Variants in MEF2A observed in about 807,000 individuals in gnomAD.
The protein encoded by MEF2A is myocyte-specific enhancer factor 2A.
A neutral mutation model predicts 55.8 loss-of-function variants in MEF2A; 28 were observed. That is an observed-to-expected ratio of 0.50 (90% CI 0.37 to 0.69). The LOEUF is 0.69. MEF2A is among the 30% of genes least tolerant of loss of function. MEF2A has a pLI of 0.00. For missense variants in MEF2A, 528 were observed against 626.2 expected (o/e 0.84, Z 1.67); for synonymous variants, 239 against 227.1 (o/e 1.05, Z -0.47).
intron 8 of MEF2A, among the ~76,000 whole-genome samples, chr15:99,700,971 AGAAT>A (rs2057328277): frequency 3.9e-5 from 6 of 152,244 alleles, no homozygotes; most frequent in Non-Finnish European, 7.3e-5. Context: ...AAATGTAGAA[AGAAT>A]GAGAGAGAGT....
chr15:99,656,114 T>C (rs889504963), intron 4 of MEF2A, among the ~76,000 whole-genome samples: 1 of 152,104 alleles, frequency 6.6e-6, no homozygotes, highest in African/African-American at 2.4e-5. Context: ...TGATACTCAG[T>C]TAAAACTTCA....
intron 1 of MEF2A, among the ~76,000 whole-genome samples, chr15:99,586,710 T>G (rs2152921044): frequency 6.6e-6 from 1 of 152,302 alleles, no homozygotes; most frequent in Admixed American, 6.5e-5. Context: ...TTTTTTGGTG[T>G]CCTGTCTGAT....
chr15:99,615,435 T>C (rs144478316), intron 2 of MEF2A, among the ~76,000 whole-genome samples: 174 of 152,336 alleles, frequency 1.1e-3, no homozygotes, highest in African/African-American at 3.5e-3. Context: ...TTACAGTTTT[T>C]AATATTAAGT....
chr15:99,657,923 T>G (rs1243874407), intron 4 of MEF2A, among the ~76,000 whole-genome samples: 3 of 152,124 alleles, frequency 2.0e-5, no homozygotes, highest in African/African-American at 7.2e-5. Context: ...ATACCAGACA[T>G]TCAAGAAAAC....
chr15:99,702,405 T>C (rs912200247), intron 8 of MEF2A, among the ~76,000 whole-genome samples: 2 of 150,854 alleles, frequency 1.3e-5, no homozygotes, highest in African/African-American at 2.4e-5. Flanking sequence ...CTAAATGTTA[T>C]GGAGAAAAGG....
Position 99,574,359 on chromosome 15 carries a change from GGT to G in MEF2A, c.-225+8256_-225+8257del, listed in dbSNP as rs1320104236. The stretch of plus-strand genomic sequence containing the variant: ...TCCATGAATGGTGGGGGGAGGGGAT[GGT>G]TTCAAAATGATTCAAGCACATTACA... On this transcript the variant is annotated intron_variant, in intron 1 of 11. Transcript: ENST00000557942. Among the ~76,000 whole-genome samples, 3 of 152,100 alleles carry G rather than the reference GGT, an allele frequency of 2.0e-5. No homozygotes were observed. In the East Asian group the frequency reaches 5.8e-4, roughly 29 times the overall value.
chr15:99,581,550 A>G (rs1196153690), intron 1 of MEF2A, among the ~76,000 whole-genome samples: 2 of 152,030 alleles, frequency 1.3e-5, no homozygotes, highest in African/African-American at 4.8e-5. Context: ...CAACTGGTGA[A>G]TATGGATCAT....
At chr15:99,675,956 C>G (rs1165032027) in intron 7 of MEF2A, among the ~76,000 whole-genome samples, 1 of 151,814 alleles carries the variant, frequency 6.6e-6, no homozygotes, top group African/African-American at 2.4e-5. Context: ...AGGAGAATTG[C>G]TTGAATCCGG....
At chr15:99,611,151 A>G (rs781342910) in intron 2 of MEF2A, among the ~76,000 whole-genome samples, 9 of 152,196 alleles carry the variant, frequency 5.9e-5, no homozygotes, top group Non-Finnish European at 1.3e-4. Flanking sequence ...CTGAGACAGG[A>G]GCATCACTTG....
In MEF2A at chr15:99,712,311, G is replaced by T. The variant is rs140600287; in HGVS notation, c.1137-79G>T. 1,369 of 1,446,016 alleles carry T rather than the reference G, an allele frequency of 9.5e-4. 19 individuals are homozygous for T. The East Asian group carries it at 0.031, about 32-fold the overall frequency. 89.6% of individuals were successfully genotyped at this position (1,446,016 alleles called of 1,614,324 possible). A position where few individuals can be genotyped will look rare whatever the true frequency, so the allele number is the denominator to read the frequency against. On this transcript the variant is annotated intron_variant, in intron 11 of 11. Coordinates refer to ENST00000557942, the MANE Select transcript of MEF2A (RefSeq NM_001319206.4). This position sits in a 1 kb window ranked among gnomAD's most constrained non-coding sequence, Gnocchi z 4.1. ...TCAGACTCTGGGCCCTTTTCCATCA[G>T]GCAGTGTCTCTACTGTATCATCCCA...
intron 8 of MEF2A, among the ~76,000 whole-genome samples, chr15:99,702,187 T>C (rs1476992771): frequency 1.3e-5 from 2 of 152,146 alleles, no homozygotes; most frequent in East Asian, 1.9e-4. Flanking sequence ...GAGATAGCAG[T>C]TGTAGATCAA....
chr15:99,658,703 T>C (rs1456513112), intron 4 of MEF2A, among the ~76,000 whole-genome samples: 1 of 152,152 alleles, frequency 6.6e-6, no homozygotes, highest in Non-Finnish European at 1.5e-5. Context: ...AAGAGTGCTA[T>C]TTCCAAATAA....
intron 1 of MEF2A, among the ~76,000 whole-genome samples, chr15:99,569,809 T>G (rs1006353504): frequency 6.6e-6 from 1 of 152,118 alleles, no homozygotes. Flanking sequence ...TTAGTTAATC[T>G]GTAATTTTTA....
chr15:99,679,643 G>A (rs1337565724), intron 7 of MEF2A, among the ~76,000 whole-genome samples: 1 of 152,180 alleles, frequency 6.6e-6, no homozygotes, highest in African/African-American at 2.4e-5. Flanking sequence ...GCCCAATTAT[G>A]GAAACTTCTG....
chr15:99,671,250 C>G, intron 4 of MEF2A, 73 bp from the exon 5 acceptor site: 4 of 1,532,578 alleles, frequency 2.6e-6, no homozygotes, highest in Non-Finnish European at 3.5e-6. Context: ...TCTGTGCTCT[C>G]TTAATAAATT....
intron 2 of MEF2A, among the ~76,000 whole-genome samples, chr15:99,618,021 C>T (rs2040496075): frequency 6.6e-6 from 1 of 152,178 alleles, no homozygotes; most frequent in South Asian, 2.1e-4. Context: ...GTGTTTCTCT[C>T]TGTAGTCAGA....
At chr15:99,667,634 A>T (rs1160766095) in intron 4 of MEF2A, among the ~76,000 whole-genome samples, 3 of 152,184 alleles carry the variant, frequency 2.0e-5, no homozygotes, top group Non-Finnish European at 2.9e-5. Context: ...AAATTCAAAG[A>T]TCAGACAAAT....
At chr15:99,671,802 AAAATAAAATT>A in intron 5 of MEF2A, 1 of 953,380 alleles carries the variant, frequency 1.0e-6, no homozygotes, top group Non-Finnish European at 1.5e-6. Context: ...ATAAAACTTC[AAAATAAAATT>A]GCTGAAATCT....
intron 1 of MEF2A, among the ~76,000 whole-genome samples, chr15:99,589,297 A>T (rs753790889): frequency 6.6e-6 from 1 of 152,154 alleles, no homozygotes; most frequent in Non-Finnish European, 1.5e-5. Context: ...TGTTCTAAGA[A>T]ATTTTGTCTA....
Sources: gnomAD v4.1 joint callset for allele counts (sites outside exome capture counted in the v4.1 genomes callset) on GRCh38, gnomAD v4.1.1 for gene constraint, Gnocchi (gnomAD v3.1) non-coding constraint, MANE v1.5 for transcripts, NCBI Gene and HGNC (gene_info 2026-07-23, HGNC 2026-07-21) for gene names.